The following XRCC5 variants were observed in gnomAD, a reference collection of about 807,000 sequenced individuals.
The protein encoded by XRCC5 is X-ray repair cross complementing 5, also known as DNA repair protein Ku80.
In XRCC5, 12 loss-of-function variants were observed where a neutral mutation model predicts 95.7. That is an observed-to-expected ratio of 0.13 (90% CI 0.08 to 0.20). XRCC5 has a LOEUF of 0.20. XRCC5 is among the 10% of genes least tolerant of loss of function. The probability of loss-of-function intolerance (pLI) is 1.00; values close to 1 mark genes in which losing one functional copy is unlikely to be tolerated. For synonymous variants in XRCC5, 281 were observed against 290.3 expected (o/e 0.97, Z 0.33); for missense variants, 595 against 873.9 (o/e 0.68, Z 4.02).
At chr2:216,191,214 G>A (rs1424540729) in intron 17 of XRCC5, among the ~76,000 whole-genome samples, 3 of 152,120 alleles carry the variant, frequency 2.0e-5, no homozygotes, top group African/African-American at 7.2e-5. Flanking sequence ...TAGTAAAAGT[G>A]TATTGCTTTT....
intron 19 of XRCC5, among the ~76,000 whole-genome samples, chr2:216,197,415 A>G (rs2065482538): frequency 6.8e-6 from 1 of 147,706 alleles, no homozygotes; most frequent in African/African-American, 2.5e-5. Flanking sequence ...ATTGCACTCC[A>G]GCCTGGACAA....
intron 19 of XRCC5, among the ~76,000 whole-genome samples, chr2:216,195,465 C>T (rs1308676045): frequency 6.8e-6 from 1 of 146,116 alleles, no homozygotes; most frequent in Non-Finnish European, 1.5e-5. Context: ...ATCAGAATTA[C>T]CCTAGAGATT....
chr2:216,145,442 C>T (rs1688610498), intron 13 of XRCC5, among the ~76,000 whole-genome samples: 1 of 152,102 alleles, frequency 6.6e-6, no homozygotes, highest in Non-Finnish European at 1.5e-5. Context: ...AACTTTTGAG[C>T]TATTGTGGTC....
At chr2:216,116,568 G>C (rs548881722) in intron 2 of XRCC5, 91 bp from the exon 3 acceptor site, 9 of 1,458,646 alleles carry the variant, frequency 6.2e-6, no homozygotes, top group Non-Finnish European at 8.5e-6. Context: ...GCCATAGGGA[G>C]GTCTGGTTGT....
chr2:216,194,152 G>GT (rs1212141554), intron 18 of XRCC5, among the ~76,000 whole-genome samples: 2 of 152,244 alleles, frequency 1.3e-5, no homozygotes, highest in African/African-American at 4.8e-5. Context: ...ATGTTCTACA[G>GT]TAAGTCCTCT....
At chr2:216,173,017 T>G (rs1689199920) in intron 16 of XRCC5, among the ~76,000 whole-genome samples, 3 of 152,148 alleles carry the variant, frequency 2.0e-5, no homozygotes, top group South Asian at 2.1e-4. Flanking sequence ...TGGAATTGTT[T>G]TTTAATTTTA....
chr2:216,185,681 CT>C (rs201760459), intron 16 of XRCC5, among the ~76,000 whole-genome samples: 83 of 142,858 alleles, frequency 5.8e-4, no homozygotes, highest in Middle Eastern at 3.5e-3. Flanking sequence ...TTTTCTTTTT[CT>C]TTTTTTTTTT....
intron 19 of XRCC5, among the ~76,000 whole-genome samples, chr2:216,199,287 A>G (rs1157877565): frequency 2.6e-5 from 4 of 152,236 alleles, no homozygotes; most frequent in Admixed American, 1.3e-4. Context: ...TTCATTTTAA[A>G]TGAAAATTAT....
chr2:216,167,504 G>A (rs1689072112), intron 16 of XRCC5, among the ~76,000 whole-genome samples: 1 of 151,604 alleles, frequency 6.6e-6, no homozygotes, highest in South Asian at 2.1e-4. Context: ...CAGGAGTCAA[G>A]CCCTAAACAG....
At chr2:216,176,119 A>AT (rs903309844) in intron 16 of XRCC5, 79 of 168,814 alleles carry the variant, frequency 4.7e-4, no homozygotes, top group African/African-American at 1.7e-3. Flanking sequence ...TACTAATTCA[A>AT]TTTTTTTCTT....
At chr2:216,171,198 A>G (rs937068650) in intron 16 of XRCC5, among the ~76,000 whole-genome samples, 4 of 152,258 alleles carry the variant, frequency 2.6e-5, no homozygotes, top group East Asian at 1.9e-4. Flanking sequence ...CTTAAATGCA[A>G]TAAAAGTGTT....
chr2:216,181,888 A>C (rs1290202800), intron 16 of XRCC5, among the ~76,000 whole-genome samples: 4 of 152,186 alleles, frequency 2.6e-5, no homozygotes, highest in African/African-American at 7.2e-5. Flanking sequence ...AATACTGTAA[A>C]ACTTTCTTCA....
rs1285715598 is a variant in XRCC5 at position 216,123,699 on chromosome 2, G to C, written c.683+1446G>C. On this transcript the variant is annotated intron_variant, in intron 6 of 20. Transcript: ENST00000392132. ...TGCATGCCTGTAGTCCTAGCTACTT[G>C]AGAGGCTGAGGCAAGTGAATCACTT... Among the ~76,000 whole-genome samples, 3 of 152,176 alleles carry C rather than the reference G, an allele frequency of 2.0e-5. No homozygotes were observed. The East Asian group carries it at 5.8e-4, about 29-fold the overall frequency.
intron 7 of XRCC5, among the ~76,000 whole-genome samples, chr2:216,127,233 C>T (rs377407951): frequency 1.3e-5 from 2 of 152,178 alleles, no homozygotes; most frequent in Middle Eastern, 3.4e-3. Context: ...GAGCAAGACT[C>T]TGTCTCAAAA....
chr2:216,153,102 G>T (rs776709747), intron 14 of XRCC5, among the ~76,000 whole-genome samples: 1 of 152,010 alleles, frequency 6.6e-6, no homozygotes, highest in South Asian at 2.1e-4. Flanking sequence ...AGTCTATTCT[G>T]CAACCTTTCT....
rs375680413 is a variant in XRCC5 at position 216,189,709 on chromosome 2, G to A, written c.1835-516G>A. Among the ~76,000 whole-genome samples the A allele has an allele frequency of 1.5e-3, 233 of 152,280 alleles. 1 individual carries two copies. Among genetic ancestry groups the A allele is most frequent in the South Asian group, 3.1e-3 (15 of 4,824 alleles). On this transcript the variant is annotated intron_variant, in intron 16 of 20. Transcript: ENST00000392132. Reference sequence around the variant, plus strand: ...AAAGGGATATTTTGTTAAGACTAGGGCTGATCTTTTCTAATTTAACCTTGG... The same window carrying A: ...AAAGGGATATTTTGTTAAGACTAGGACTGATCTTTTCTAATTTAACCTTGG...
At chr2:216,186,465 T>C (rs76717430) in intron 16 of XRCC5, among the ~76,000 whole-genome samples, 119 of 152,376 alleles carry the variant, frequency 7.8e-4, no homozygotes, top group African/African-American at 2.8e-3. Context: ...AAGTATTGTA[T>C]TGAGATTAAT....
rs565742428 is a variant in XRCC5, at chr2:216,144,755, AAC to A, written c.1477-3324_1477-3323del. On this transcript the variant is annotated intron_variant, in intron 13 of 20. Coordinates refer to ENST00000392132, the MANE Select transcript of XRCC5 (RefSeq NM_021141.4). ...GAGCCTAGAAGACAAGTCAGGTCTA[AAC>A]ACAGATTTGAGAGTCCTCCTCATTG... is the stretch of plus-strand genomic sequence containing the variant. 3.3e-4 allele frequency among the ~76,000 whole-genome samples: 51 copies of A among 152,342 alleles called. No homozygotes were observed. The South Asian group carries it at 9.9e-3, about 30-fold the overall frequency.
chr2:216,187,465 A>AGTGT (rs1689515718), intron 16 of XRCC5, among the ~76,000 whole-genome samples: 5 of 74,412 alleles, frequency 6.7e-5, no homozygotes, highest in Non-Finnish European at 1.1e-4. Flanking sequence ...TAAGATAGCA[A>AGTGT]CTGTGTGTGT....
Sources: allele counts gnomAD v4.1 joint callset (sites outside exome capture counted in the v4.1 genomes callset), GRCh38; gene constraint gnomAD v4.1.1; transcripts MANE v1.5; gene names NCBI Gene and HGNC (gene_info 2026-07-23, HGNC 2026-07-21).